Variants in ABCB8 observed in about 807,000 individuals in gnomAD.
ABCB8 encodes the protein mitochondrial potassium channel ATP-binding subunit.
ABCB8 carries 52 observed loss-of-function variants against 73.0 expected under a neutral mutation model. That is an observed-to-expected ratio of 0.71 (90% CI 0.57 to 0.90). ABCB8 has a LOEUF of 0.90. ABCB8 is among the 40% of genes least tolerant of loss of function. The pLI is 0.00. For synonymous variants in ABCB8, 428 were observed against 423.5 expected (o/e 1.01, Z -0.13); for missense variants, 909 against 974.6 (o/e 0.93, Z 0.90).
chr7:151,041,503 G>T (rs1028968577), intron 13 of ABCB8, among the ~76,000 whole-genome samples: 8 of 152,244 alleles, frequency 5.3e-5, no homozygotes, highest in African/African-American at 1.9e-4. Flanking sequence ...CAGATTCTCT[G>T]CAAATCCCAT....
chr7:151,042,006 G>A lies in ABCB8; in HGVS notation c.1663G>A (p.Gly555Arg). Residue 555 changes from glycine to arginine, a missense_variant, in exon 14 of 16, where the codon GGG becomes AGG. Gly to Arg is a moderately radical substitution (Grantham distance 125). Transcript: ENST00000358849. ...GTTIMENIRF[G>R]KLEASDEEVY... Reference sequence around the variant, plus strand: ...GACCATCATGGAAAACATCCGCTTTGGGAAGCTGGAAGCTTCCGATGAAGA... The same window carrying A: ...GACCATCATGGAAAACATCCGCTTTAGGAAGCTGGAAGCTTCCGATGAAGA... The A allele has an allele frequency of 6.2e-7, 1 of 1,613,016 alleles. No individual in the cohort carries two copies. Among genetic ancestry groups the A allele is most frequent in the Non-Finnish European group, 8.5e-7 (1 of 1,180,010 alleles).
At chr7:151,042,632 T>A (rs945222768) in intron 14 of ABCB8, among the ~76,000 whole-genome samples, 1 of 152,226 alleles carries the variant, frequency 6.6e-6, no homozygotes, top group Admixed American at 6.5e-5. Context: ...ACACGCAGCC[T>A]GGCACTGCAG....
At chr7:151,040,096 G>C in intron 9 of ABCB8, 172 bp from the exon 10 acceptor site, 3 of 677,306 alleles carry the variant, frequency 4.4e-6, no homozygotes, top group East Asian at 2.9e-5. Flanking sequence ...AGGGCTCAGC[G>C]ATCTGGTGTT....
At chr7:151,032,801 ATAAGT>A (rs1796199279) in intron 1 of ABCB8, 3 of 331,708 alleles carry the variant, frequency 9.0e-6, no homozygotes, top group South Asian at 7.2e-5. Context: ...AGATGACAAG[ATAAGT>A]TATTAGAATT....
At chr7:151,030,087 G>A (rs1181959631) in intron 1 of ABCB8, among the ~76,000 whole-genome samples, 1 of 152,232 alleles carries the variant, frequency 6.6e-6, no homozygotes, top group African/African-American at 2.4e-5. Context: ...TTAGGAAAGA[G>A]TAAGGGTGTT....
At chr7:151,031,157 C>G in intron 1 of ABCB8, 1 of 893,732 alleles carries the variant, frequency 1.1e-6, no homozygotes, top group African/African-American at 1.7e-5. Flanking sequence ...TGCATGTGCT[C>G]AACAAGCATA....
intron 8 of ABCB8, 114 bp from the exon 9 acceptor site, chr7:151,036,430 C>A (rs1183133748): frequency 9.5e-7 from 1 of 1,049,402 alleles, no homozygotes; most frequent in African/African-American, 1.6e-5. Flanking sequence ...AGGAAGCCAA[C>A]GCTGGGACCA....
At chr7:151,034,663 C>T in intron 4 of ABCB8, 61 bp from the exon 5 acceptor site, 1 of 1,610,570 alleles carries the variant, frequency 6.2e-7, no homozygotes, top group Non-Finnish European at 8.5e-7. Flanking sequence ...GGGGGTAGGA[C>T]CTTATCCTGA....
chr7:151,033,692 C>A lies in ABCB8; in HGVS notation c.183C>A (p.Pro61=), dbSNP rs76801918. ...TCTGGGCCCACCTCCCTCGAGCCCC[C>A]CTAGCTCCCAGATGGAGCCCCTCTG... ...SQLWAHLPRA[P]LAPRWSPSAW... is the part of the protein sequence containing the mutation. The change falls in exon 2 of 16, where the codon CCC becomes CCA. Residue 61 remains proline (P), a synonymous_variant. Coordinates refer to ENST00000358849, the MANE Select transcript of ABCB8 (RefSeq NM_007188.5). The A allele has an allele frequency of 2.5e-6, 4 of 1,613,350 alleles. No homozygotes were observed. The Admixed American group carries it at 5.0e-5, about 20-fold the overall frequency.
Position 151,040,630 on chromosome 7 carries a change from T to C in ABCB8, c.1384T>C (p.Phe462Leu). The C allele has an allele frequency of 6.2e-7, 1 of 1,612,438 alleles. No homozygotes were observed. The highest frequency in any genetic ancestry group is 8.5e-7 in the Non-Finnish European group (1 of 1,179,516). The change falls in exon 11 of 16, where the codon TTC becomes CTC. Residue 462 changes from phenylalanine (F) to leucine (L), a missense_variant. Transcript: ENST00000358849. Reference sequence around the variant, plus strand: ...CTCCGTTACATTTCAGAACGTCTGCTTCAGGTCAGCACGGGTGAGCAGGCG... The same window carrying C: ...CTCCGTTACATTTCAGAACGTCTGCCTCAGGTCAGCACGGGTGAGCAGGCG... ...RGSVTFQNVC[F>L]SYPCRPGFEV... is the part of the protein sequence containing the mutation.
At chr7:151,039,028 G>A (rs752141577) in intron 9 of ABCB8, 5 of 152,388 alleles carry the variant, frequency 3.3e-5, no homozygotes, top group East Asian at 1.9e-4. Flanking sequence ...GAGATGGGGA[G>A]GTGCCCAGAC....
Position 151,036,531 on chromosome 7 carries a change from C to G in ABCB8, c.1112-13C>G. 3 of 1,610,742 alleles carry G rather than the reference C, an allele frequency of 1.9e-6. No individual in the cohort carries two copies. Among genetic ancestry groups the G allele is most frequent in the Non-Finnish European group, 2.5e-6 (3 of 1,176,966 alleles). Reference sequence around the variant, plus strand: ...CCCTGGCTTCGTCCTCCCTCACTTCCCCTCTCCTGCAGGCATGGTCTTGGG... The same window carrying G: ...CCCTGGCTTCGTCCTCCCTCACTTCGCCTCTCCTGCAGGCATGGTCTTGGG... On this transcript the variant is annotated splice_polypyrimidine_tract_variant and intron_variant, in intron 8 of 15. Coordinates refer to ENST00000358849, the MANE Select transcript of ABCB8 (RefSeq NM_007188.5).
At chr7:151,029,533 GTC>G (rs1400627463) in intron 1 of ABCB8, 2 of 129,796 alleles carry the variant, frequency 1.5e-5, no homozygotes, top group African/African-American at 6.0e-5. Flanking sequence ...TTGAGACAGA[GTC>G]TCGCTCTGTC....
intron 15 of ABCB8, among the ~76,000 whole-genome samples, chr7:151,044,789 G>A (rs1266102075): frequency 2.0e-5 from 3 of 152,206 alleles, no homozygotes; most frequent in Non-Finnish European, 4.4e-5. Flanking sequence ...TGGGAGCAAG[G>A]AGCAGGGCTA....
intron 5 of ABCB8, among the ~76,000 whole-genome samples, 159 bp from the exon 6 acceptor site, chr7:151,035,422 T>G (rs1045257286): frequency 2.0e-5 from 3 of 152,130 alleles, no homozygotes; most frequent in Non-Finnish European, 4.4e-5. Context: ...CGAGTTAGGG[T>G]TACGTACTGT....
In ABCB8 at chr7:151,028,472, G is replaced by T; in HGVS notation, c.-44G>T. The T allele has an allele frequency of 6.3e-7, 1 of 1,585,280 alleles. No homozygotes were observed. The highest frequency in any genetic ancestry group is 8.6e-7 in the Non-Finnish European group (1 of 1,165,908). ...AACATAGAGCCCTCAGTGGGATGAG[G>T]GTGAAACTGCTATTGCCGGCGGCTC... On this transcript the variant is annotated 5_prime_UTR_variant, in exon 1 of 16. Transcript: ENST00000358849.
chr7:151,040,764 G>A, intron 11 of ABCB8, 64 bp from the exon 12 acceptor site: 1 of 1,596,224 alleles, frequency 6.3e-7, no homozygotes, highest in East Asian at 2.3e-5. Flanking sequence ...GGAGACTTCA[G>A]GAGGGACCCG....
Position 151,040,628 on chromosome 7 carries a change from G to A in ABCB8, c.1382G>A (p.Cys461Tyr). Residue 461 changes from cysteine to tyrosine, a missense_variant, in exon 11 of 16, where the codon TGC becomes TAC. Coordinates refer to ENST00000358849, the MANE Select transcript of ABCB8 (RefSeq NM_007188.5). ...GGCTCCGTTACATTTCAGAACGTCT[G>A]CTTCAGGTCAGCACGGGTGAGCAGG... ...LRGSVTFQNV[C>Y]FSYPCRPGFE... is the part of the protein sequence containing the mutation. 1.2e-6 allele frequency: 2 copies of A among 1,612,490 alleles called. No individual in the cohort carries two copies. Among genetic ancestry groups the A allele is most frequent in the Non-Finnish European group, 8.5e-7 (1 of 1,179,526 alleles).
intron 12 of ABCB8, 45 bp downstream of exon 12, chr7:151,040,967 C>T: frequency 6.2e-6 from 10 of 1,600,898 alleles, no homozygotes; most frequent in Non-Finnish European, 8.5e-6. Context: ...TCTTCTCTAG[C>T]AGCCACTCAG....
Sources: gnomAD v4.1 joint callset for allele counts (sites outside exome capture counted in the v4.1 genomes callset) on GRCh38, gnomAD v4.1.1 for gene constraint, MANE v1.5 for transcripts, NCBI Gene and HGNC (gene_info 2026-07-23, HGNC 2026-07-21) for gene names.